The following UHRF1 variants were observed in gnomAD, a reference collection of about 807,000 sequenced individuals.
The protein encoded by UHRF1 is ubiquitin like with PHD and ring finger domains 1.
Under a neutral mutation model 96.5 loss-of-function variants are expected in UHRF1, and 9 were observed. The ratio of observed to expected loss-of-function variants is 0.09; its 90% CI spans 0.06 to 0.16. UHRF1 has a LOEUF of 0.16. UHRF1 is among the 10% of genes least tolerant of loss of function. UHRF1 has a pLI of 1.00. For missense variants in UHRF1, 626 were observed against 1,131.1 expected (o/e 0.55, Z 6.40); for synonymous variants, 455 against 469.9 (o/e 0.97, Z 0.41).
chr19:4,939,902 T>C (rs1196311767), intron 5 of UHRF1, among the ~76,000 whole-genome samples: 1 of 151,684 alleles, frequency 6.6e-6, no homozygotes, highest in Non-Finnish European at 1.5e-5. Flanking sequence ...CGGGTGCCTA[T>C]AGTGCCAGCT....
chr19:4,936,235 A>C (rs1017926004), intron 5 of UHRF1, among the ~76,000 whole-genome samples: 1 of 152,122 alleles, frequency 6.6e-6, no homozygotes, highest in Admixed American at 6.6e-5. Context: ...TGTGCCTCGC[A>C]ATGAGTTTGT....
At chr19:4,943,494 T>TCC (rs1487749090) in intron 7 of UHRF1, among the ~76,000 whole-genome samples, 2 of 110,754 alleles carry the variant, frequency 1.8e-5, no homozygotes, top group Non-Finnish European at 3.8e-5. Flanking sequence ...GTTGTTGCCC[T>TCC]GCCCCCCCTC....
intron 7 of UHRF1, among the ~76,000 whole-genome samples, chr19:4,943,495 G>C (rs1568425343): frequency 6.0e-5 from 8 of 133,258 alleles, no homozygotes; most frequent in South Asian, 2.4e-4. Context: ...TTGTTGCCCT[G>C]CCCCCCCTCC....
rs535779671 is a variant in UHRF1, at chr19:4,954,497, C to T, written c.1957+9C>T. 6.2e-7 allele frequency: 1 copy of T among 1,606,338 alleles called. No individual in the cohort carries two copies. Among genetic ancestry groups the T allele is most frequent in the Non-Finnish European group, 8.5e-7 (1 of 1,174,622 alleles). The stretch of plus-strand genomic sequence containing the variant: ...GAAGCGGAAGTCGGCAGGTGAGAAT[C>T]TCGTGGGTGTGGGGTGAGCGTCTTG... On this transcript the variant is annotated intron_variant, in intron 14 of 16. Transcript: ENST00000650932. The surrounding 1 kb of genome is among the most constrained non-coding windows in gnomAD (Gnocchi z 5.9).
intron 2 of UHRF1, among the ~76,000 whole-genome samples, chr19:4,927,471 G>C (rs1291391727): frequency 6.6e-6 from 1 of 151,558 alleles, no homozygotes; most frequent in Non-Finnish European, 1.5e-5. Context: ...AAGAAAGAAA[G>C]CCTGCAGAGA....
intron 16 of UHRF1, among the ~76,000 whole-genome samples, chr19:4,958,961 CAAAA>C (rs750693594): frequency 1.1e-5 from 1 of 89,334 alleles, no homozygotes. Context: ...GATTCTGTCT[CAAAA>C]AAAAAAAAAA....
chr19:4,919,874 G>A (rs1227314488), intron 2 of UHRF1, among the ~76,000 whole-genome samples: 2 of 151,496 alleles, frequency 1.3e-5, no homozygotes, highest in African/African-American at 4.9e-5. Context: ...CTGGAGTGCA[G>A]TGGCGTGATC....
intron 4 of UHRF1, among the ~76,000 whole-genome samples, chr19:4,932,408 G>T (rs148512617): frequency 6.6e-6 from 1 of 152,294 alleles, no homozygotes; most frequent in East Asian, 1.9e-4. Context: ...TTGGATTGGG[G>T]CCCACCCTAC....
intron 2 of UHRF1, 91 bp from the exon 3 acceptor site, chr19:4,929,131 T>A: frequency 6.7e-7 from 1 of 1,497,362 alleles, no homozygotes; most frequent in East Asian, 2.3e-5. Flanking sequence ...CCACAAGGGC[T>A]GGGACACAGT....
chr19:4,919,270 T>TACAGGCATGAGCCACTGCAC (rs2032624835), intron 2 of UHRF1, among the ~76,000 whole-genome samples: 1 of 151,764 alleles, frequency 6.6e-6, no homozygotes, highest in South Asian at 2.1e-4. Context: ...TACCTGAGAT[T>TACAGGCATGAGCCACTGCAC]ACAGGCATGA....
intron 11 of UHRF1, 58 bp from the exon 12 acceptor site, chr19:4,950,553 C>G (rs1226922150): frequency 4.5e-6 from 7 of 1,560,098 alleles, no homozygotes; most frequent in South Asian, 1.2e-5. Flanking sequence ...TCCTGTGTTT[C>G]CTTTTTTGGG....
At chr19:4,914,766 T>C (rs1366764131) in intron 2 of UHRF1, among the ~76,000 whole-genome samples, 1 of 151,980 alleles carries the variant, frequency 6.6e-6, no homozygotes, top group African/African-American at 2.4e-5. Flanking sequence ...TCAGCATCCC[T>C]GGCCCGCGAC....
At position 4,954,809 on chromosome 19, in the gene UHRF1, C is replaced by G; in HGVS notation, c.2117C>G (p.Ala706Gly). 6.2e-7 allele frequency: 1 copy of G among 1,613,586 alleles called. No homozygotes were observed. ...EVLASLKDRP[A>G]SGSPFQLFLS... Reference sequence around the variant, plus strand: ...CTGGCGTCACTCAAGGACCGGCCGGCGAGCGGCAGCCCGGTAGGCTCGCAC... The same window carrying G: ...CTGGCGTCACTCAAGGACCGGCCGGGGAGCGGCAGCCCGGTAGGCTCGCAC... Residue 706 changes from alanine to glycine, a missense_variant, in exon 15 of 17, where the codon GCG (alanine) becomes GGG (glycine). This residue lies in a region of UHRF1 where 84 missense variants were observed against 150.3 expected (regional missense o/e 0.56). Coordinates refer to ENST00000650932, the MANE Select transcript of UHRF1 (RefSeq NM_001048201.3). The surrounding 1 kb of genome is among the most constrained non-coding windows in gnomAD (Gnocchi z 5.9).
At chr19:4,903,303 C>A (rs2031986525) in exon 1 of UHRF1, 1 of 163,674 alleles carries the variant, frequency 6.1e-6, no homozygotes, top group Non-Finnish European at 1.4e-5. Flanking sequence ...CAGGCGTGAG[C>A]CACTGCACCT....
chr19:4,925,890 TTTC>T (rs1159153412), intron 2 of UHRF1, among the ~76,000 whole-genome samples: 12 of 151,074 alleles, frequency 7.9e-5, no homozygotes, highest in Admixed American at 5.3e-4. Context: ...TTTTCTTTTC[TTTC>T]TTTCTTTTTT....
chr19:4,912,165 G>T (rs904635719), intron 2 of UHRF1, among the ~76,000 whole-genome samples: 1 of 152,134 alleles, frequency 6.6e-6, no homozygotes, highest in African/African-American at 2.4e-5. Flanking sequence ...GCCCTGCCCC[G>T]GGAGGAGGCG....
chr19:4,945,625 C>T (rs922424085), intron 9 of UHRF1, among the ~76,000 whole-genome samples: 6 of 150,992 alleles, frequency 4.0e-5, no homozygotes, highest in South Asian at 2.1e-4. Flanking sequence ...GCCCCGTGCA[C>T]GCTTGATGGG....
Position 4,958,214 on chromosome 19 carries a change from G to A in UHRF1, c.2235+1401G>A, listed in dbSNP as rs17887164. Among the ~76,000 whole-genome samples, 1,246 of 152,354 alleles carry A rather than the reference G, an allele frequency of 8.2e-3. 8 individuals carry two copies. Among genetic ancestry groups the A allele is most frequent in the Middle Eastern group, 0.014 (4 of 294 alleles). ...GTGCCCTGAGTGAGGTGGCAGAAGG[G>A]GTGAGAGGCCATGGTGTCTTTGGGG... On this transcript the variant is annotated intron_variant, in intron 16 of 16. Transcript: ENST00000650932.
chr19:4,955,373 G>A (rs1269403753), intron 15 of UHRF1, among the ~76,000 whole-genome samples: 5 of 152,026 alleles, frequency 3.3e-5, no homozygotes, highest in South Asian at 2.1e-4. Context: ...CAGCCACAGC[G>A]CATCTTCTTC....
Sources: allele counts gnomAD v4.1 joint callset (sites outside exome capture counted in the v4.1 genomes callset), GRCh38; gene constraint gnomAD v4.1.1; regional missense constraint gnomAD v4.1.1; non-coding constraint Gnocchi (gnomAD v3.1); transcripts MANE v1.5; gene names NCBI Gene and HGNC (gene_info 2026-07-23, HGNC 2026-07-21).